C5orf46: variants seen among roughly 807,000 people sequenced by gnomAD.
C5orf46 encodes the protein uncharacterized protein C5orf46.
In C5orf46, 9 loss-of-function variants were observed where a neutral mutation model predicts 8.9. The ratio of observed to expected loss-of-function variants is 1.01; its 90% CI spans 0.61 to 1.76. The LOEUF is 1.76. Among genes scored for constraint, C5orf46 ranks in the 40% most tolerant of loss-of-function variants. The pLI, the probability that C5orf46 is intolerant of heterozygous loss-of-function variation, is 0.00. For missense variants in C5orf46, 98 were observed against 107.8 expected, an observed-to-expected ratio of 0.91 and a Z score of 0.40; for synonymous variants, 47 against 41.4, an observed-to-expected ratio of 1.14 and a Z score of -0.52.
At chr5:147,897,502 C>A (rs1330821290) in intron 2 of C5orf46, among the ~76,000 whole-genome samples, 1 of 152,192 alleles carries the variant, frequency 6.6e-6, no homozygotes, top group African/African-American at 2.4e-5. Context: ...TCTCCAGAGT[C>A]ATTACTAAAT....
chr5:147,887,858 C>T (rs1315408084), downstream of C5orf46, among the ~76,000 whole-genome samples: 1 of 152,096 alleles, frequency 6.6e-6, no homozygotes, highest in African/African-American at 2.4e-5. Flanking sequence ...GTACTAAGTG[C>T]ATGAATATCC....
intron 2 of C5orf46, 70 bp downstream of exon 2, chr5:147,901,559 C>A: frequency 1.4e-6 from 2 of 1,403,708 alleles, no homozygotes; most frequent in African/African-American, 1.4e-5. Context: ...TATTTTAATG[C>A]CATGAGGTCA....
chr5:147,892,452 C>T (rs976470141), downstream of C5orf46, among the ~76,000 whole-genome samples: 1 of 152,110 alleles, frequency 6.6e-6, no homozygotes, highest in Non-Finnish European at 1.5e-5. Flanking sequence ...ATGTGTAAAA[C>T]TTTTAACTCT....
Position 147,899,389 on chromosome 5 carries a change from A to T in C5orf46, c.215+2240T>A, listed in dbSNP as rs140822079. Among the ~76,000 whole-genome samples, 489 of 152,218 alleles carry T rather than the reference A, an allele frequency of 3.2e-3. 3 individuals carry two copies. The highest frequency in any genetic ancestry group is 0.011 in the African/African-American group (449 of 41,532). ...ATGGTCTTCCCTTGAGCAGGGAGTT[A>T]TGGGTATGTTTTAGATCCTGGCTCT... On this transcript the variant is annotated intron_variant, in intron 2 of 3. Coordinates refer to ENST00000318315, the MANE Select transcript of C5orf46 (RefSeq NM_206966.3).
intron 1 of C5orf46, among the ~76,000 whole-genome samples, chr5:147,905,733 A>G (rs1370985890): frequency 1.3e-5 from 2 of 152,192 alleles, no homozygotes; most frequent in African/African-American, 4.8e-5. Context: ...CTAGGAACCT[A>G]GGTTTCACTC....
intron 1 of C5orf46, among the ~76,000 whole-genome samples, chr5:147,905,836 C>G (rs1054356802): frequency 2.4e-4 from 37 of 152,310 alleles, no homozygotes; most frequent in African/African-American, 8.7e-4. Context: ...TAAAACTGTA[C>G]ATGTTTACAT....
chr5:147,893,411 A>C (rs915891026), intron 3 of C5orf46, among the ~76,000 whole-genome samples: 1 of 150,942 alleles, frequency 6.6e-6, no homozygotes, highest in Admixed American at 6.6e-5. Context: ...CAGCCTCCCG[A>C]GTAGCTGGGA....
intron 3 of C5orf46, among the ~76,000 whole-genome samples, chr5:147,894,741 A>T (rs1287244458): frequency 6.6e-6 from 1 of 150,662 alleles, no homozygotes; most frequent in Admixed American, 6.6e-5. Context: ...TTAAAGAAGC[A>T]TTAAAGAAAT....
intron 2 of C5orf46, among the ~76,000 whole-genome samples, chr5:147,897,533 TGGCTTAAGGACTGG>T (rs1257272562): frequency 3.9e-5 from 6 of 152,180 alleles, no homozygotes; most frequent in African/African-American, 1.4e-4. Flanking sequence ...TTATGCCCTA[TGGCTTAAGGACTGG>T]GTACCAGGGT....
intron 2 of C5orf46, chr5:147,887,255 A>G: frequency 6.6e-6 from 1 of 152,170 alleles, no homozygotes. Context: ...AAATCAAGGA[A>G]AACATTTGTG....
chr5:147,903,780 C>A (rs966227788), intron 1 of C5orf46, among the ~76,000 whole-genome samples: 2 of 152,256 alleles, frequency 1.3e-5, no homozygotes, highest in South Asian at 2.1e-4. Flanking sequence ...CAGGGCTTCA[C>A]TCTCTCGTCC....
intron 3 of C5orf46, among the ~76,000 whole-genome samples, chr5:147,893,604 T>C (rs536269614): frequency 1.3e-5 from 2 of 151,742 alleles, no homozygotes; most frequent in African/African-American, 4.8e-5. Flanking sequence ...GTGCAGTGGC[T>C]TGATCTTGGT....
intron 2 of C5orf46, chr5:147,886,498 T>A (rs867123705): frequency 2.1e-4 from 31 of 151,180 alleles, no homozygotes; most frequent in Admixed American, 4.6e-4. Flanking sequence ...ATGTTATATA[T>A]AATTATATAC....
chr5:147,892,094 G>A (rs1214998906), downstream of C5orf46, among the ~76,000 whole-genome samples: 1 of 152,164 alleles, frequency 6.6e-6, no homozygotes, highest in East Asian at 1.9e-4. Flanking sequence ...GCTTTAACTG[G>A]CATCTTGCTC....
chr5:147,903,558 A>G (rs1160863052), intron 1 of C5orf46, among the ~76,000 whole-genome samples: 5 of 152,210 alleles, frequency 3.3e-5, no homozygotes, highest in African/African-American at 1.2e-4. Flanking sequence ...ATTATATCCT[A>G]AAATGGAAAC....
intron 2 of C5orf46, among the ~76,000 whole-genome samples, chr5:147,900,529 G>A (rs1291505541): frequency 1.3e-5 from 2 of 152,126 alleles, no homozygotes; most frequent in Non-Finnish European, 2.9e-5. Context: ...AAGGTTTTGT[G>A]GATCTTTAAG....
chr5:147,892,547 T>C (rs1471963590), downstream of C5orf46, among the ~76,000 whole-genome samples: 2 of 152,172 alleles, frequency 1.3e-5, no homozygotes, highest in Admixed American at 1.3e-4. Context: ...GCTCTGTGAA[T>C]TCGAACTTGC....
chr5:147,896,202 G>C (rs1010649613), intron 3 of C5orf46, among the ~76,000 whole-genome samples: 22 of 152,264 alleles, frequency 1.4e-4, no homozygotes, highest in African/African-American at 5.1e-4. Context: ...TAGAGATACA[G>C]CACAGGCCTT....
At position 147,901,611 on chromosome 5, in the gene C5orf46, G is replaced by C. The variant is rs1284882452; in HGVS notation, c.215+18C>G. The C allele has an allele frequency of 3.1e-6, 5 of 1,609,250 alleles. No individual in the cohort carries two copies. Among genetic ancestry groups the C allele is most frequent in the African/African-American group, 1.3e-5 (1 of 74,774 alleles). ...AACAGAGAATTGGACAAAAAGCAAC[G>C]TTTTTCTCAGTGCTTACGTGCTCCT... is the stretch of plus-strand genomic sequence containing the variant. On this transcript the variant is annotated intron_variant, in intron 2 of 3. Coordinates refer to ENST00000318315, the MANE Select transcript of C5orf46 (RefSeq NM_206966.3).
Sources: allele counts gnomAD v4.1 joint callset (sites outside exome capture counted in the v4.1 genomes callset), GRCh38; gene constraint gnomAD v4.1.1; transcripts MANE v1.5; gene names NCBI Gene and HGNC (gene_info 2026-07-23, HGNC 2026-07-21).